The following ST6GAL1 variants were observed in gnomAD, a reference collection of about 807,000 sequenced individuals.
The protein encoded by ST6GAL1 is beta-galactoside alpha-2,6-sialyltransferase 1.
ST6GAL1 carries 20 observed loss-of-function variants against 38.0 expected under a neutral mutation model. The ratio of observed to expected loss-of-function variants is 0.53; its 90% CI spans 0.37 to 0.77. The LOEUF (loss-of-function observed/expected upper bound fraction) is 0.77. Ranked by LOEUF, ST6GAL1 falls within the 30% of genes least tolerant of loss-of-function variation. The pLI is 0.00. For missense variants in ST6GAL1, 432 were observed against 496.4 expected, an observed-to-expected ratio of 0.87 and a Z score of 1.23; for synonymous variants, 196 against 188.2, an observed-to-expected ratio of 1.04 and a Z score of -0.34.
chr3:186,997,070 G>C (rs912318765), intron 2 of ST6GAL1, among the ~76,000 whole-genome samples: 5 of 151,886 alleles, frequency 3.3e-5, no homozygotes, highest in African/African-American at 9.7e-5. Flanking sequence ...GTATTCTTGG[G>C]GAGATTTGTT....
At chr3:186,999,165 C>T (rs1039378767) in intron 2 of ST6GAL1, among the ~76,000 whole-genome samples, 11 of 152,172 alleles carry the variant, frequency 7.2e-5, no homozygotes, top group Admixed American at 2.0e-4. Flanking sequence ...AATGCATATG[C>T]GAAAGTTAAG....
Position 186,967,337 on chromosome 3 carries a change from G to A in ST6GAL1, c.-183+3411G>A, listed in dbSNP as rs143227248. 4.8e-3 allele frequency among the ~76,000 whole-genome samples: 715 copies of A among 149,460 alleles called. 6 individuals carry two copies. Among genetic ancestry groups the A allele is most frequent in the East Asian group, 0.031 (160 of 5,188 alleles). On this transcript the variant is annotated intron_variant, in intron 2 of 7. Transcript: ENST00000169298. The stretch of plus-strand genomic sequence containing the variant: ...CTCCCAAGTAGCTGAGATTACAGGC[G>A]CCTGCCACCACACCCAGCTAATTTT...
chr3:187,075,699 C>G lies in ST6GAL1; in HGVS notation c.1117C>G (p.Leu373Val), dbSNP rs757496249. Residue 373 changes from leucine to valine, a missense_variant, in exon 8 of 8, where the codon CTC becomes GTC. By Grantham distance (32) the Leu-to-Val change is conservative (BLOSUM62 1). Transcript: ENST00000169298. This position sits in a 1 kb window ranked among gnomAD's most constrained non-coding sequence, Gnocchi z 4.1. Reference sequence around the variant, plus strand: ...CACGATGGGTGCCTACCACCCGCTGCTCTATGAGAAGAATTTGGTGAAGCA... The same window carrying G: ...CACGATGGGTGCCTACCACCCGCTGGTCTATGAGAAGAATTTGGTGAAGCA... Reference protein sequence around the residue: ...ACTMGAYHPLLYEKNLVKHLN... With the variant: ...ACTMGAYHPLVYEKNLVKHLN... 8 of 1,614,232 alleles carry G rather than the reference C, an allele frequency of 5.0e-6. No homozygotes were observed. Among genetic ancestry groups the G allele is most frequent in the Non-Finnish European group, 8.5e-7 (1 of 1,180,040 alleles).
At chr3:186,946,197 G>A (rs916874251) in intron 1 of ST6GAL1, among the ~76,000 whole-genome samples, 4 of 151,484 alleles carry the variant, frequency 2.6e-5, no homozygotes, top group African/African-American at 4.9e-5. Flanking sequence ...CTGTAATCTC[G>A]GCTGCTCGGT....
At chr3:187,022,292 G>T (rs1717345431) in intron 2 of ST6GAL1, among the ~76,000 whole-genome samples, 1 of 151,930 alleles carries the variant, frequency 6.6e-6, no homozygotes, top group Admixed American at 6.6e-5. Flanking sequence ...CATCTTCTGT[G>T]TTGATTGTTG....
intron 2 of ST6GAL1, among the ~76,000 whole-genome samples, chr3:186,967,217 T>A (rs1201816601): frequency 1.3e-5 from 2 of 152,106 alleles, no homozygotes; most frequent in Admixed American, 6.5e-5. Flanking sequence ...TTTTAGACGG[T>A]GTCTTGCTCT....
chr3:186,934,748 TTATTTATTTATG>T (rs1560133283), intron 1 of ST6GAL1, among the ~76,000 whole-genome samples: 1 of 150,644 alleles, frequency 6.6e-6, no homozygotes, highest in Non-Finnish European at 1.5e-5. Context: ...TTAAAAAATT[TTATTTATTTATG>T]TATTTATTTA....
At chr3:186,971,290 C>A (rs1018770752) in intron 2 of ST6GAL1, among the ~76,000 whole-genome samples, 1 of 152,194 alleles carries the variant, frequency 6.6e-6, no homozygotes, top group Non-Finnish European at 1.5e-5. Context: ...GGGGTTTTGC[C>A]ATGTTGGCCA....
intron 2 of ST6GAL1, among the ~76,000 whole-genome samples, chr3:186,997,045 TG>T (rs1318718779): frequency 6.6e-6 from 1 of 151,540 alleles, no homozygotes; most frequent in African/African-American, 2.4e-5. Flanking sequence ...GGCGGGCAGG[TG>T]GGAAGGAAGA....
chr3:187,022,540 T>C (rs527544780), intron 2 of ST6GAL1, among the ~76,000 whole-genome samples: 1 of 152,268 alleles, frequency 6.6e-6, no homozygotes, highest in South Asian at 2.1e-4. Context: ...GCCTCATAGA[T>C]AGCAGCCCTC....
At chr3:186,984,806 TCCTTCCTTCCTTCCTTCCTTCCCTCC>T (rs1560151149) in intron 2 of ST6GAL1, among the ~76,000 whole-genome samples, 2 of 26,168 alleles carry the variant, frequency 7.6e-5, no homozygotes, top group Non-Finnish European at 1.6e-4. Context: ...CTTCCTTCCA[TCCTTCCTTCCTTCCTTCCTTCCCTCC>T]CTCCCTCCCT....
At chr3:187,033,052 TGAA>T (rs1183476687) in intron 2 of ST6GAL1, among the ~76,000 whole-genome samples, 1 of 152,236 alleles carries the variant, frequency 6.6e-6, no homozygotes, top group East Asian at 1.9e-4. Context: ...TACACAAGGT[TGAA>T]GTGTATTTTT....
chr3:187,012,122 A>G (rs1185831528), intron 2 of ST6GAL1, among the ~76,000 whole-genome samples: 1 of 152,138 alleles, frequency 6.6e-6, no homozygotes, highest in Admixed American at 6.5e-5. Context: ...TGCTCTTGCT[A>G]CACATCTGCC....
chr3:187,003,836 A>G (rs1347304045), intron 2 of ST6GAL1, among the ~76,000 whole-genome samples: 2 of 152,230 alleles, frequency 1.3e-5, no homozygotes, highest in Non-Finnish European at 2.9e-5. Flanking sequence ...TATTATTGCC[A>G]AAACATTTTT....
At position 187,074,200 on chromosome 3, in the gene ST6GAL1, G is replaced by T; in HGVS notation, c.846G>T (p.Lys282Asn). The T allele has an allele frequency of 6.2e-7, 1 of 1,612,074 alleles. No homozygotes were observed. Among genetic ancestry groups the T allele is most frequent in the Non-Finnish European group, 8.5e-7 (1 of 1,179,184 alleles). The change falls in exon 7 of 8, where the codon AAG (lysine) becomes AAT (asparagine). Residue 282 changes from lysine (K) to asparagine (N), a missense_variant. Transcript: ENST00000169298. ...ATTATAATTTCTTTAACAACTACAA[G>T]ACTTATCGTAAGCTGCACCCCAATC... ...NPDYNFFNNY[K>N]TYRKLHPNQP...
intron 5 of ST6GAL1, 27 bp from the exon 6 acceptor site, chr3:187,072,822 C>T (rs778307019): frequency 8.2e-6 from 13 of 1,591,296 alleles, no homozygotes; most frequent in South Asian, 1.1e-5. Context: ...AATGTTCAAG[C>T]GACAGCTTAT....
intron 5 of ST6GAL1, among the ~76,000 whole-genome samples, chr3:187,068,005 ACCCTGCC>A (rs1014504260): frequency 5.3e-5 from 8 of 152,086 alleles, no homozygotes; most frequent in African/African-American, 1.9e-4. Flanking sequence ...GTGGTACCCT[ACCCTGCC>A]CACATTATGT....
intron 2 of ST6GAL1, among the ~76,000 whole-genome samples, chr3:187,000,663 C>G (rs1311231296): frequency 6.6e-6 from 1 of 152,224 alleles, no homozygotes; most frequent in Non-Finnish European, 1.5e-5. Context: ...TTCTGGATCA[C>G]AATTTTGCTT....
intron 1 of ST6GAL1, among the ~76,000 whole-genome samples, chr3:186,950,293 TC>T (rs1321734180): frequency 6.6e-6 from 1 of 152,094 alleles, no homozygotes; most frequent in Non-Finnish European, 1.5e-5. Context: ...CCCTCGGGCT[TC>T]CCCCTCTCTG....
Sources: gnomAD v4.1 joint callset for allele counts (sites outside exome capture counted in the v4.1 genomes callset) on GRCh38, gnomAD v4.1.1 for gene constraint, Gnocchi (gnomAD v3.1) non-coding constraint, MANE v1.5 for transcripts, NCBI Gene and HGNC (gene_info 2026-07-23, HGNC 2026-07-21) for gene names.